ASIC2: variants seen among roughly 807,000 people sequenced by gnomAD.
The protein encoded by ASIC2 is acid-sensing ion channel 2.
Under a neutral mutation model 57.3 loss-of-function variants are expected in ASIC2, and 25 were observed. That is an observed-to-expected ratio of 0.44 (90% confidence interval 0.32 to 0.61). The LOEUF is 0.61. Among genes scored for constraint, ASIC2 ranks in the 20% least tolerant of loss-of-function variants. ASIC2 has a pLI of 0.06. For missense variants in ASIC2, 641 were observed against 738.1 expected (o/e 0.87, Z 1.52); for synonymous variants, 319 against 307.5 (o/e 1.04, Z -0.39).
chr17:33,548,827 G>C (rs1915659590), intron 1 of ASIC2, among the ~76,000 whole-genome samples: 1 of 152,002 alleles, frequency 6.6e-6, no homozygotes, highest in South Asian at 2.1e-4. Flanking sequence ...CATTTTCTCA[G>C]CCTGGAGTCT....
chr17:34,037,617 A>G, intron 1 of ASIC2: 1 of 1,583,636 alleles, frequency 6.3e-7, no homozygotes, highest in Non-Finnish European at 8.6e-7. Flanking sequence ...CCTTGGAGTC[A>G]GTCTCAATTA....
intron 1 of ASIC2, among the ~76,000 whole-genome samples, chr17:33,547,729 T>A (rs1915625202): frequency 6.6e-6 from 1 of 152,170 alleles, no homozygotes; most frequent in Non-Finnish European, 1.5e-5. Context: ...GGTTGCTGCC[T>A]TCGCCAGCTT....
At chr17:34,095,045 C>G (rs900789831) in intron 1 of ASIC2, among the ~76,000 whole-genome samples, 1 of 152,228 alleles carries the variant, frequency 6.6e-6, no homozygotes, top group African/African-American at 2.4e-5. Flanking sequence ...CAACTCATAA[C>G]TCATGTCCCA....
intron 1 of ASIC2, among the ~76,000 whole-genome samples, chr17:33,772,766 G>C (rs1458882051): frequency 1.3e-5 from 2 of 152,158 alleles, no homozygotes; most frequent in Non-Finnish European, 2.9e-5. Context: ...GTCTCTTGAG[G>C]AAAGCGGGGA....
At chr17:33,427,830 C>A (rs912301781) in intron 1 of ASIC2, among the ~76,000 whole-genome samples, 1 of 152,196 alleles carries the variant, frequency 6.6e-6, no homozygotes, top group African/African-American at 2.4e-5. Flanking sequence ...TATGACTATC[C>A]TATGTAACCA....
intron 1 of ASIC2, among the ~76,000 whole-genome samples, chr17:33,841,822 A>G (rs1913446681): frequency 6.6e-6 from 1 of 152,190 alleles, no homozygotes; most frequent in Admixed American, 6.5e-5. Flanking sequence ...CAGGTTCAAG[A>G]GGCCGGAGAA....
chr17:34,145,937 G>A (rs1323793251), intron 1 of ASIC2, among the ~76,000 whole-genome samples: 1 of 152,228 alleles, frequency 6.6e-6, no homozygotes, highest in African/African-American at 2.4e-5. Flanking sequence ...GGAAGTGAAG[G>A]CTGGTAGAAG....
At chr17:33,705,330 T>A (rs1206081982) in intron 1 of ASIC2, among the ~76,000 whole-genome samples, 1 of 152,232 alleles carries the variant, frequency 6.6e-6, no homozygotes, top group African/African-American at 2.4e-5. Context: ...GTAAATGTAC[T>A]AAACATTTTT....
intron 1 of ASIC2, among the ~76,000 whole-genome samples, chr17:34,047,896 A>G (rs898643275): frequency 6.6e-6 from 1 of 152,252 alleles, no homozygotes; most frequent in African/African-American, 2.4e-5. Context: ...AAATCAATAA[A>G]TCATAAATGA....
chr17:33,464,471 CTT>C (rs1567620832), intron 1 of ASIC2, among the ~76,000 whole-genome samples: 1 of 86,882 alleles, frequency 1.2e-5, no homozygotes, highest in Non-Finnish European at 2.2e-5. Context: ...TTCTTTCTTT[CTT>C]TCTTTTCTCT....
chr17:33,534,521 C>T (rs540029431), intron 1 of ASIC2: 11 of 152,296 alleles, frequency 7.2e-5, no homozygotes, highest in African/African-American at 2.4e-4. Context: ...GCCTTCAAAG[C>T]GTTTTTAGAT....
intron 1 of ASIC2, among the ~76,000 whole-genome samples, chr17:33,917,240 C>T (rs1373665583): frequency 6.6e-6 from 1 of 152,160 alleles, no homozygotes; most frequent in Non-Finnish European, 1.5e-5. Context: ...GCTTTCCCTA[C>T]AATGTGCCAG....
chr17:33,976,367 T>C (rs1451295313), intron 1 of ASIC2, among the ~76,000 whole-genome samples: 1 of 151,970 alleles, frequency 6.6e-6, no homozygotes, highest in African/African-American at 2.4e-5. Flanking sequence ...GGGACTTGTG[T>C]CCCCATCTCC....
intron 1 of ASIC2, among the ~76,000 whole-genome samples, chr17:33,584,144 A>G (rs1406077102): frequency 6.6e-6 from 1 of 152,204 alleles, no homozygotes; most frequent in East Asian, 1.9e-4. Flanking sequence ...TAGGTCATAA[A>G]CACTGGATAA....
intron 1 of ASIC2, among the ~76,000 whole-genome samples, chr17:34,116,795 C>A (rs1171693296): frequency 6.6e-6 from 1 of 152,116 alleles, no homozygotes; most frequent in Non-Finnish European, 1.5e-5. Flanking sequence ...GCAGTAATAA[C>A]AATTCCTGAG....
intron 1 of ASIC2, among the ~76,000 whole-genome samples, chr17:34,106,895 T>G (rs565075722): frequency 3.9e-5 from 6 of 152,302 alleles, no homozygotes; most frequent in Non-Finnish European, 7.3e-5. Context: ...ATGGGTGCTA[T>G]TTATACTTAT....
intron 1 of ASIC2, among the ~76,000 whole-genome samples, chr17:33,403,941 C>T (rs1194346066): frequency 6.6e-6 from 1 of 152,078 alleles, no homozygotes; most frequent in Admixed American, 6.6e-5. Flanking sequence ...ACAGAGAGAC[C>T]CATGGACTTG....
At chr17:33,931,199 C>G (rs1208703643) in intron 1 of ASIC2, 1 of 152,164 alleles carries the variant, frequency 6.6e-6, no homozygotes, top group Non-Finnish European at 1.5e-5. Flanking sequence ...CCGAGCTCCC[C>G]GAGCGAGCAA....
chr17:33,219,320 T>C (rs558080820), intron 1 of ASIC2, among the ~76,000 whole-genome samples: 1 of 152,312 alleles, frequency 6.6e-6, no homozygotes, highest in East Asian at 1.9e-4. Flanking sequence ...TTTACACACA[T>C]TACTTCATAT....
Sources: gnomAD v4.1 joint callset for allele counts (sites outside exome capture counted in the v4.1 genomes callset) on GRCh38, gnomAD v4.1.1 for gene constraint, MANE v1.5 for transcripts, NCBI Gene and HGNC (gene_info 2026-07-23, HGNC 2026-07-21) for gene names.